DLC1: variants seen among roughly 807,000 people sequenced by gnomAD.
DLC1 encodes rho GTPase-activating protein 7.
A neutral mutation model predicts 140.3 loss-of-function variants in DLC1; 54 were observed. The observed-to-expected ratio is 0.38, with a 90% CI of 0.31 to 0.48. DLC1 has a LOEUF of 0.48. Among genes scored for constraint, DLC1 ranks in the 20% least tolerant of loss-of-function variants. The probability of loss-of-function intolerance (pLI) is 0.96; values close to 1 mark genes in which losing one functional copy is unlikely to be tolerated. For missense variants in DLC1, 2,536 were observed against 1,907.0 expected (o/e 1.33, Z -6.14); for synonymous variants, 986 against 728.1 (o/e 1.35, Z -5.70).
chr8:13,532,445 A>G (rs1803130568), intron 1 of DLC1, among the ~76,000 whole-genome samples: 1 of 152,252 alleles, frequency 6.6e-6, no homozygotes, highest in Admixed American at 6.5e-5. Context: ...AAGCCTGGTA[A>G]GAATTCTGAG....
intron 5 of DLC1, among the ~76,000 whole-genome samples, chr8:13,187,812 T>C (rs1427642257): frequency 2.6e-5 from 4 of 152,224 alleles, no homozygotes; most frequent in African/African-American, 9.6e-5. Flanking sequence ...GACTTTTGGA[T>C]GGAATTCCCT....
intron 7 of DLC1, among the ~76,000 whole-genome samples, chr8:13,107,968 C>A (rs1194141883): frequency 6.6e-6 from 1 of 152,048 alleles, no homozygotes; most frequent in African/African-American, 2.4e-5. Context: ...TTGCTTGAAC[C>A]TGGGAGGCGG....
At chr8:13,450,505 T>G (rs1051373972) in intron 2 of DLC1, among the ~76,000 whole-genome samples, 3 of 150,794 alleles carry the variant, frequency 2.0e-5, no homozygotes, top group Non-Finnish European at 4.4e-5. Flanking sequence ...AGTTACACCT[T>G]TTTAAAATTA....
chr8:13,253,685 T>A (rs1641019352), intron 5 of DLC1, among the ~76,000 whole-genome samples: 1 of 152,240 alleles, frequency 6.6e-6, no homozygotes, highest in Non-Finnish European at 1.5e-5. Context: ...TAGCAAGTCC[T>A]GGAGCCTGCT....
intron 5 of DLC1, among the ~76,000 whole-genome samples, chr8:13,174,704 C>A (rs1825668067): frequency 6.6e-6 from 1 of 152,000 alleles, no homozygotes; most frequent in African/African-American, 2.4e-5. Flanking sequence ...CCACTTTTTA[C>A]TGGGGTTGTA....
intron 5 of DLC1, among the ~76,000 whole-genome samples, chr8:13,220,959 A>C (rs1039475548): frequency 6.6e-6 from 1 of 152,186 alleles, no homozygotes; most frequent in Admixed American, 6.5e-5. Flanking sequence ...AGAGTGATGA[A>C]ATGCAGCCCC....
chr8:13,182,534 C>T (rs1470698993), intron 5 of DLC1, among the ~76,000 whole-genome samples: 1 of 152,196 alleles, frequency 6.6e-6, no homozygotes, highest in African/African-American at 2.4e-5. Flanking sequence ...CAGCTTTCTA[C>T]ATATGGCTAG....
intron 5 of DLC1, among the ~76,000 whole-genome samples, chr8:13,124,771 T>A (rs1443610541): frequency 6.6e-6 from 1 of 152,170 alleles, no homozygotes; most frequent in Non-Finnish European, 1.5e-5. Flanking sequence ...TTATGCCCAT[T>A]TCACCTTCTC....
At chr8:13,228,907 G>A (rs1449045797) in intron 5 of DLC1, among the ~76,000 whole-genome samples, 1 of 152,212 alleles carries the variant, frequency 6.6e-6, no homozygotes, top group Non-Finnish European at 1.5e-5. Flanking sequence ...ACACCTACCA[G>A]GGTGGCTACA....
chr8:13,215,913 T>C, intron 5 of DLC1, among the ~76,000 whole-genome samples: 1 of 152,186 alleles, frequency 6.6e-6, no homozygotes, highest in African/African-American at 2.4e-5. Flanking sequence ...CAGTGTGCCC[T>C]GCTGGGAGTG....
At chr8:13,273,457 A>T (rs560946455) in intron 5 of DLC1, among the ~76,000 whole-genome samples, 1 of 152,202 alleles carries the variant, frequency 6.6e-6, no homozygotes, top group Admixed American at 6.6e-5. Flanking sequence ...AACTGGGCAG[A>T]AAAAGGGGAT....
intron 5 of DLC1, among the ~76,000 whole-genome samples, chr8:13,256,523 A>G (rs1019031808): frequency 1.3e-5 from 2 of 152,244 alleles, no homozygotes; most frequent in Non-Finnish European, 2.9e-5. Context: ...CATATACACC[A>G]TGGAATATAC....
At chr8:13,380,012 A>G (rs1312026287) in intron 4 of DLC1, among the ~76,000 whole-genome samples, 1 of 152,186 alleles carries the variant, frequency 6.6e-6, no homozygotes, top group African/African-American at 2.4e-5. Flanking sequence ...TGAAGTTTCT[A>G]GATCTCAGCA....
intron 4 of DLC1, among the ~76,000 whole-genome samples, chr8:13,386,022 C>A (rs1836505887): frequency 6.6e-6 from 1 of 152,156 alleles, no homozygotes; most frequent in South Asian, 2.1e-4. Flanking sequence ...TATGATGTGG[C>A]ATGCTGTTGG....
chr8:13,371,852 A>C (rs552500356), intron 4 of DLC1, among the ~76,000 whole-genome samples: 1 of 152,134 alleles, frequency 6.6e-6, no homozygotes, highest in Non-Finnish European at 1.5e-5. Flanking sequence ...CACAGTAGGC[A>C]CTCACTCAAT....
rs767437679 is a variant in DLC1, at chr8:13,098,451, G to A, written c.3115C>T (p.Leu1039=). ...GTGTATTTCTCCAGCAGGGCCGTTA[G>A]CTTTAGGAGTGAGTATTTCTGCAGC... ...NLLQKYSLLK[L]TALLEKYTPS... Residue 1039 remains leucine (L), a synonymous_variant, in exon 10 of 18, where the codon CTA becomes TTA. Transcript: ENST00000276297. 5 of 1,614,038 alleles carry A rather than the reference G, an allele frequency of 3.1e-6. No homozygotes were observed. The Middle Eastern group carries it at 6.6e-4, about 212-fold the overall frequency.
intron 5 of DLC1, among the ~76,000 whole-genome samples, chr8:13,197,318 T>C (rs1201999726): frequency 6.6e-6 from 1 of 152,078 alleles, no homozygotes; most frequent in East Asian, 1.9e-4. Context: ...ATTTAAGCCC[T>C]TGATTTATTT....
At chr8:13,349,103 C>T (rs563056739) in intron 4 of DLC1, among the ~76,000 whole-genome samples, 2 of 152,114 alleles carry the variant, frequency 1.3e-5, no homozygotes, top group South Asian at 4.1e-4. Context: ...GAAGTTTACT[C>T]TCTGGAGACA....
At chr8:13,550,231 G>T (rs1359692961) in intron 1 of DLC1, among the ~76,000 whole-genome samples, 3 of 152,086 alleles carry the variant, frequency 2.0e-5, no homozygotes, top group African/African-American at 4.8e-5. Context: ...AGTCTCGAAA[G>T]ATCTGATGGT....
Sources: gnomAD v4.1 joint callset for allele counts (sites outside exome capture counted in the v4.1 genomes callset) on GRCh38, gnomAD v4.1.1 for gene constraint, MANE v1.5 for transcripts, NCBI Gene and HGNC (gene_info 2026-07-23, HGNC 2026-07-21) for gene names.